The following SMAD7 variants were observed in gnomAD, a reference collection of about 807,000 sequenced individuals.
The protein encoded by SMAD7 is MAD (mothers against decapentaplegic, Drosophila) homolog 7.
In SMAD7, 8 loss-of-function variants were observed where a neutral mutation model predicts 38.7. The ratio of observed to expected loss-of-function variants is 0.21; its 90% CI spans 0.12 to 0.37. The LOEUF is 0.37. SMAD7 is among the 10% of genes least tolerant of loss of function. The pLI is 1.00. For missense variants in SMAD7, 477 were observed against 577.9 expected, an observed-to-expected ratio of 0.83 and a Z score of 1.79; for synonymous variants, 327 against 265.1, an observed-to-expected ratio of 1.23 and a Z score of -2.27.
At chr18:48,933,029 G>A (rs998271336) in intron 3 of SMAD7, among the ~76,000 whole-genome samples, 1 of 152,152 alleles carries the variant, frequency 6.6e-6, no homozygotes, top group African/African-American at 2.4e-5. Context: ...CCAGGGTCTG[G>A]AGGGTGGATT....
In SMAD7 at chr18:48,950,322, C is replaced by T. The variant is rs1221917917; in HGVS notation, c.103G>A (p.Gly35Ser). The T allele has an allele frequency of 9.8e-6, 15 of 1,537,844 alleles. No homozygotes were observed. Among genetic ancestry groups the T allele is most frequent in the Non-Finnish European group, 1.3e-5 (15 of 1,142,022 alleles). Reference sequence around the variant, plus strand: ...GTCGCCCCTTCTCCCCGCAGCTCGCCTCCTCCTCCACCTCCCCCTGCGCCC... The same window carrying T: ...GTCGCCCCTTCTCCCCGCAGCTCGCTTCCTCCTCCACCTCCCCCTGCGCCC... ...EEGAGGGGGG[G>S]ELRGEGATDS... Residue 35 changes from glycine (G) to serine (S), a missense_variant, in exon 1 of 4, where the codon GGC (glycine) becomes AGC (serine). This residue lies in a region of SMAD7 where 376 missense variants were observed against 379.4 expected (regional missense o/e 0.99). Transcript: ENST00000262158.
rs1207733190 is a variant in SMAD7, at chr18:48,937,654, G to A, written c.742+4827C>T. 2.0e-5 allele frequency among the ~76,000 whole-genome samples: 3 copies of A among 152,192 alleles called. No homozygotes were observed. In the South Asian group the frequency reaches 6.2e-4, roughly 32 times the overall value. On this transcript the variant is annotated intron_variant, in intron 3 of 3. Coordinates refer to ENST00000262158, the MANE Select transcript of SMAD7 (RefSeq NM_005904.4). ...TCACCAGGGTGTGGGTGTGCACCAG[G>A]TGAGCCCGCCCCAGCCCTGACTCAT... is the stretch of plus-strand genomic sequence containing the variant.
At chr18:48,935,628 C>T (rs1030711667) in intron 3 of SMAD7, among the ~76,000 whole-genome samples, 35 of 152,122 alleles carry the variant, frequency 2.3e-4, no homozygotes, top group Admixed American at 2.3e-3. Flanking sequence ...GCCAGGGGGA[C>T]CCCGCAGAGT....
intron 3 of SMAD7, among the ~76,000 whole-genome samples, chr18:48,931,288 C>T (rs2069997211): frequency 6.6e-6 from 1 of 152,142 alleles, no homozygotes; most frequent in Admixed American, 6.5e-5. Context: ...GAACTATACA[C>T]TTAAAAATTG....
In SMAD7 at chr18:48,950,109, G is replaced by T. The variant is rs1259877909; in HGVS notation, c.316C>A (p.Arg106=). 3.4e-6 allele frequency: 5 copies of T among 1,485,214 alleles called. No individual in the cohort carries two copies. The highest frequency in any genetic ancestry group is 2.1e-4 in the Middle Eastern group (1 of 4,838). The allele number at this position is 1,485,214 out of a possible 1,614,324, so 92.0% of individuals were successfully genotyped here. A position where few individuals can be genotyped will look rare whatever the true frequency, so the allele number is the denominator to read the frequency against. The change falls in exon 1 of 4, where the codon CGG becomes AGG. Residue 106 remains arginine (R), a synonymous_variant. Transcript: ENST00000262158. The part of the protein sequence containing the change: ...THSVLKKLKE[R]QLELLLQAVE... ...GCCTGGAGCAGCAGCTCCAGCTGCC[G>T]CTCCTTCAGTTTCTTGAGCACCGAG...
At chr18:48,930,275 C>G (rs188847170) in intron 3 of SMAD7, 1 of 152,568 alleles carries the variant, frequency 6.6e-6, no homozygotes, top group Admixed American at 6.5e-5. Flanking sequence ...TCTAATCTCT[C>G]CCGCTTGGAC....
rs1019534965 is a variant in SMAD7, at chr18:48,950,209, G to A, written c.216C>T (p.His72=). 6.7e-6 allele frequency: 10 copies of A among 1,497,522 alleles called. No individual in the cohort carries two copies. Among genetic ancestry groups the A allele is most frequent in the Non-Finnish European group, 8.9e-6 (10 of 1,128,490 alleles). The allele number at this position is 1,497,522 out of a possible 1,614,324, so 92.8% of individuals were successfully genotyped here. The change falls in exon 1 of 4, where the codon CAC becomes CAT. Residue 72 remains histidine (H), a synonymous_variant. Transcript: ENST00000262158. The part of the protein sequence containing the change: ...LGKAVRGAKG[H]HHPHPPAAGA... ...CCGCGGCTGGCGGGTGGGGATGGTG[G>A]TGACCTTTGGCACCTCGCACCGCCT...
intron 3 of SMAD7, among the ~76,000 whole-genome samples, chr18:48,940,341 T>C (rs995833194): frequency 1.3e-5 from 2 of 152,210 alleles, no homozygotes; most frequent in African/African-American, 4.8e-5. Flanking sequence ...TGCTTCTTCC[T>C]GGCAGCTCCT....
At chr18:48,939,737 A>C (rs2070115556) in intron 3 of SMAD7, among the ~76,000 whole-genome samples, 1 of 152,126 alleles carries the variant, frequency 6.6e-6, no homozygotes, top group Non-Finnish European at 1.5e-5. Flanking sequence ...GGAAAACAGC[A>C]CACAGGGCCT....
At chr18:48,927,816 T>C (rs1475753901) in intron 3 of SMAD7, among the ~76,000 whole-genome samples, 2 of 152,212 alleles carry the variant, frequency 1.3e-5, no homozygotes, top group African/African-American at 4.8e-5. Flanking sequence ...AAGCATTTAC[T>C]TTGCATAGGC....
intron 2 of SMAD7, among the ~76,000 whole-genome samples, chr18:48,944,415 A>G (rs2070174815): frequency 6.6e-6 from 1 of 152,238 alleles, no homozygotes; most frequent in African/African-American, 2.4e-5. Flanking sequence ...GGCAACCACA[A>G]GCATTTTTGT....
chr18:48,927,768 C>T (rs181866781), intron 3 of SMAD7, among the ~76,000 whole-genome samples: 111 of 152,292 alleles, frequency 7.3e-4, no homozygotes, highest in African/African-American at 2.6e-3. Context: ...CCCCACACCC[C>T]ATGGTAGAAC....
chr18:48,936,799 G>C (rs2070072451), intron 3 of SMAD7, among the ~76,000 whole-genome samples: 1 of 152,190 alleles, frequency 6.6e-6, no homozygotes, highest in Non-Finnish European at 1.5e-5. Context: ...GAGCAAAGAG[G>C]CCGGGCGCAG....
chr18:48,945,557 AAATG>A (rs1288793959), intron 2 of SMAD7, among the ~76,000 whole-genome samples: 11 of 152,248 alleles, frequency 7.2e-5, no homozygotes, highest in Admixed American at 2.6e-4. Context: ...ATGAATGAAT[AAATG>A]AATGAATGAC....
intron 3 of SMAD7, among the ~76,000 whole-genome samples, chr18:48,931,922 G>A (rs970786187): frequency 1.3e-5 from 2 of 152,126 alleles, no homozygotes; most frequent in African/African-American, 2.4e-5. Context: ...GGGGGAAGGT[G>A]GGGGGGCTTC....
intron 3 of SMAD7, among the ~76,000 whole-genome samples, chr18:48,924,822 C>T (rs1324944466): frequency 6.6e-6 from 1 of 152,220 alleles, no homozygotes; most frequent in Non-Finnish European, 1.5e-5. Context: ...CCAGCAAAAC[C>T]ATTCGGCAAC....
At chr18:48,935,553 C>G (rs1266622667) in intron 3 of SMAD7, among the ~76,000 whole-genome samples, 1 of 152,188 alleles carries the variant, frequency 6.6e-6, no homozygotes, top group Non-Finnish European at 1.5e-5. Flanking sequence ...CAGGAAGGGT[C>G]TGGATCACCA....
In SMAD7 at chr18:48,950,558, C is replaced by A. The variant is rs2070252067; in HGVS notation, c.-134G>T. On this transcript the variant is annotated 5_prime_UTR_variant, in exon 1 of 4. Coordinates refer to ENST00000262158, the MANE Select transcript of SMAD7 (RefSeq NM_005904.4). Reference sequence around the variant, plus strand: ...ACAGCAGCAGCAGCAGGGGCCCGGGCAGGAGCGGCGGCGGCCCGAGGGGCG... The same window carrying A: ...ACAGCAGCAGCAGCAGGGGCCCGGGAAGGAGCGGCGGCGGCCCGAGGGGCG... 3.6e-6 allele frequency: 3 copies of A among 833,810 alleles called. No homozygotes were observed. Among genetic ancestry groups the A allele is most frequent in the Non-Finnish European group, 5.0e-6 (3 of 596,446 alleles). The allele number at this position is 833,810 out of a possible 1,614,324, so 51.7% of individuals were successfully genotyped here. A position where few individuals can be genotyped will look rare whatever the true frequency, so the allele number is the denominator to read the frequency against.
At chr18:48,937,294 G>GTGTA (rs1555717076) in intron 3 of SMAD7, among the ~76,000 whole-genome samples, 7 of 151,022 alleles carry the variant, frequency 4.6e-5, no homozygotes, top group African/African-American at 1.7e-4. Flanking sequence ...GTGTGTGTGT[G>GTGTA]TGTGTGTGTG....
Sources: gnomAD v4.1 joint callset for allele counts (sites outside exome capture counted in the v4.1 genomes callset) on GRCh38, gnomAD v4.1.1 for gene constraint, gnomAD v4.1.1 regional missense constraint, MANE v1.5 for transcripts, NCBI Gene and HGNC (gene_info 2026-07-23, HGNC 2026-07-21) for gene names.